Variants in ATP11A observed in about 807,000 individuals in gnomAD.
The protein encoded by ATP11A is phospholipid-transporting ATPase IH.
A neutral mutation model predicts 154.4 loss-of-function variants in ATP11A; 81 were observed. That is an observed-to-expected ratio of 0.52 (90% CI 0.44 to 0.63). The LOEUF is 0.63. ATP11A is among the 30% of genes least tolerant of loss of function. The probability of loss-of-function intolerance (pLI) is 0.00; values close to 1 mark genes in which losing one functional copy is unlikely to be tolerated. For missense variants in ATP11A, 1,316 were observed against 1,474.3 expected (o/e 0.89, Z 1.76); for synonymous variants, 623 against 585.9 (o/e 1.06, Z -0.91).
rs747297211 is a variant in ATP11A, at chr13:112,862,490, C to T, written c.2906C>T (p.Thr969Met). 9 of 1,614,054 alleles carry T rather than the reference C, an allele frequency of 5.6e-6. No individual in the cohort carries two copies. Among genetic ancestry groups the T allele is most frequent in the Admixed American group, 1.7e-5 (1 of 59,992 alleles). The change falls in exon 25 of 30, where the codon ACG becomes ATG. Residue 969 changes from threonine to methionine, a missense_variant. Thr to Met is a moderately conservative substitution (Grantham distance 81). This residue lies in a region of ATP11A where 294 missense variants were observed against 290.2 expected (regional missense o/e 1.01). Coordinates refer to ENST00000375645, the MANE Select transcript of ATP11A (RefSeq NM_015205.3). The stretch of plus-strand genomic sequence containing the variant: ...CGCTGGCGCGTGTTCATCTACTGGA[C>T]GCTCCTGGGACTGTTTGACGCACTG... Reference protein sequence around the residue: ...LLRWRVFIYWTLLGLFDALVF... With the variant: ...LLRWRVFIYWMLLGLFDALVF...
intron 12 of ATP11A, 69 bp downstream of exon 12, chr13:112,826,960 G>A: frequency 6.5e-7 from 1 of 1,529,622 alleles, no homozygotes; most frequent in Middle Eastern, 1.7e-4. Context: ...CGTTCCTCAG[G>A]TCCTGTGCCT....
At chr13:112,871,396 CA>C (rs2080515665) in intron 25 of ATP11A, among the ~76,000 whole-genome samples, 1 of 152,104 alleles carries the variant, frequency 6.6e-6, no homozygotes, top group Non-Finnish European at 1.5e-5. Context: ...TTTTTGTGCT[CA>C]GTTTGAGACC....
chr13:112,832,783 A>C, intron 13 of ATP11A, 77 bp from the exon 14 acceptor site: 1 of 1,501,000 alleles, frequency 6.7e-7, no homozygotes, highest in South Asian at 1.3e-5. Context: ...GCTTCTTGTT[A>C]TCTCTCTGCG....
At chr13:112,775,398 C>T (rs1233517092) in intron 1 of ATP11A, among the ~76,000 whole-genome samples, 2 of 152,170 alleles carry the variant, frequency 1.3e-5, no homozygotes, top group Non-Finnish European at 2.9e-5. Flanking sequence ...GTCGGGGGGC[C>T]GCTGACAGGA....
At chr13:112,695,412 C>T (rs770052964) in intron 1 of ATP11A, among the ~76,000 whole-genome samples, 9 of 152,238 alleles carry the variant, frequency 5.9e-5, no homozygotes, top group African/African-American at 9.6e-5. Flanking sequence ...TCCACCTGGA[C>T]ATTCTAAAGC....
chr13:112,780,982 T>A (rs796386707), intron 1 of ATP11A, among the ~76,000 whole-genome samples: 14 of 152,180 alleles, frequency 9.2e-5, no homozygotes, highest in African/African-American at 2.9e-4. Context: ...CGACTACCCG[T>A]GTCTTTGCTC....
intron 2 of ATP11A, among the ~76,000 whole-genome samples, chr13:112,789,224 G>GT (rs2077758216): frequency 6.6e-6 from 1 of 150,692 alleles, no homozygotes; most frequent in Admixed American, 6.6e-5. Context: ...GTAGACCCCT[G>GT]TGGATACCTA....
chr13:112,839,128 G>C (rs569163109), intron 16 of ATP11A, among the ~76,000 whole-genome samples: 1 of 152,170 alleles, frequency 6.6e-6, no homozygotes, highest in African/African-American at 2.4e-5. Context: ...GAAGGACTTC[G>C]GAAGTCACAG....
intron 1 of ATP11A, among the ~76,000 whole-genome samples, chr13:112,744,505 G>T (rs7982363): frequency 0.044 from 6,633 of 152,260 alleles, 495 homozygotes; most frequent in African/African-American, 0.15. Flanking sequence ...TTCACATTTG[G>T]TGACTCTCCC....
chr13:112,763,933 A>T lies in ATP11A; in HGVS notation c.40-21202A>T, dbSNP rs75646499. On this transcript the variant is annotated intron_variant, in intron 1 of 29. Transcript: ENST00000375645. ...GCTGTGCCCCAACCGCCTTGGGCAC[A>T]CGTTCTCAGGACCTCCTGGGGCCAT... Among the ~76,000 whole-genome samples, 9 of 152,366 alleles carry T rather than the reference A, an allele frequency of 5.9e-5. No individual in the cohort carries two copies. In the East Asian group the frequency reaches 1.7e-3, roughly 29 times the overall value.
In ATP11A at chr13:112,850,944, A is replaced by G. The variant is rs527957237; in HGVS notation, c.1810-93A>G. 105 of 1,185,380 alleles carry G rather than the reference A, an allele frequency of 8.9e-5. No individual in the cohort carries two copies. In the African/African-American group the frequency reaches 1.4e-3, roughly 16 times the overall value. The allele number at this position is 1,185,380 out of a possible 1,614,324, so 73.4% of individuals were successfully genotyped here. A position where few individuals can be genotyped will look rare whatever the true frequency, so the allele number is the denominator to read the frequency against. ...TTACAATTCTTGGGTTAGTTAGTCTAATGAGAGAAGGGATACTGGGAAGGC... is the reference window on the plus strand; with the variant it reads ...TTACAATTCTTGGGTTAGTTAGTCTGATGAGAGAAGGGATACTGGGAAGGC... On this transcript the variant is annotated intron_variant, in intron 17 of 29. Coordinates refer to ENST00000375645, the MANE Select transcript of ATP11A (RefSeq NM_015205.3).
chr13:112,761,083 C>G (rs1043682582), intron 1 of ATP11A, among the ~76,000 whole-genome samples: 1 of 152,206 alleles, frequency 6.6e-6, no homozygotes, highest in Non-Finnish European at 1.5e-5. Context: ...TGAACCCTCC[C>G]TTCGTCCAGC....
chr13:112,840,112 G>A (rs1015801708), intron 16 of ATP11A, among the ~76,000 whole-genome samples: 1 of 146,646 alleles, frequency 6.8e-6, no homozygotes, highest in Non-Finnish European at 1.5e-5. Flanking sequence ...GTGCCCTCCA[G>A]CCTCAGCCTC....
At chr13:112,692,904 C>G (rs1566333786) in intron 1 of ATP11A, among the ~76,000 whole-genome samples, 1 of 152,156 alleles carries the variant, frequency 6.6e-6, no homozygotes, top group South Asian at 2.1e-4. Flanking sequence ...GGATTGAATA[C>G]TCATATTTCC....
chr13:112,785,368 AG>A lies in ATP11A; in HGVS notation c.162+112del. 1.6e-6 allele frequency: 2 copies of A among 1,216,668 alleles called. No homozygotes were observed. Among genetic ancestry groups the A allele is most frequent in the Non-Finnish European group, 2.1e-6 (2 of 940,128 alleles). The allele number at this position is 1,216,668 out of a possible 1,614,324, so 75.4% of individuals were successfully genotyped here. On this transcript the variant is annotated intron_variant, in intron 2 of 29. Coordinates refer to ENST00000375645, the MANE Select transcript of ATP11A (RefSeq NM_015205.3). The surrounding 1 kb of genome is among the most constrained non-coding windows in gnomAD (Gnocchi z 4.8). ...GCTCTGCTCCTGGCCCTGCTGTCAC[AG>A]CCACCAGCCACCCCCAGCAAGGGCT...
chr13:112,693,253 C>T (rs372826966), intron 1 of ATP11A, among the ~76,000 whole-genome samples: 19 of 152,144 alleles, frequency 1.2e-4, no homozygotes, highest in African/African-American at 4.1e-4. Flanking sequence ...TAAATGGTGC[C>T]GTGTTTGTAT....
At chr13:112,873,890 G>C (rs1199316345) in intron 27 of ATP11A, among the ~76,000 whole-genome samples, 24 of 152,144 alleles carry the variant, frequency 1.6e-4, no homozygotes, top group Admixed American at 1.6e-3. Flanking sequence ...TCTTCCGGGG[G>C]AGAAAGACGC....
chr13:112,830,637 T>G (rs2079060199), intron 12 of ATP11A, among the ~76,000 whole-genome samples: 1 of 152,226 alleles, frequency 6.6e-6, no homozygotes, highest in Non-Finnish European at 1.5e-5. Flanking sequence ...CTAAGTTACT[T>G]CAAAGTCCTG....
chr13:112,762,443 G>T (rs536775222), intron 1 of ATP11A, among the ~76,000 whole-genome samples: 1 of 152,096 alleles, frequency 6.6e-6, no homozygotes, highest in East Asian at 1.9e-4. Context: ...ATGGGCCCCC[G>T]AGACTGCTGT....
Sources: gnomAD v4.1 joint callset for allele counts (sites outside exome capture counted in the v4.1 genomes callset) on GRCh38, gnomAD v4.1.1 for gene constraint, gnomAD v4.1.1 regional missense constraint, Gnocchi (gnomAD v3.1) non-coding constraint, MANE v1.5 for transcripts, NCBI Gene and HGNC (gene_info 2026-07-23, HGNC 2026-07-21) for gene names.